Variants in SPG11 observed in about 807,000 individuals in gnomAD.
The protein encoded by SPG11 is SPG11 vesicle trafficking associated, spatacsin.
In SPG11, 222 loss-of-function variants were observed where a neutral mutation model predicts 274.0. The observed-to-expected ratio is 0.81, with a 90% CI of 0.73 to 0.91. SPG11 has a LOEUF of 0.91. Ranked by LOEUF, SPG11 falls within the 40% of genes least tolerant of loss-of-function variation. The pLI is 0.00. For missense variants in SPG11, 3,114 were observed against 2,872.7 expected, an observed-to-expected ratio of 1.08 and a Z score of -1.92; for synonymous variants, 1,144 against 1,039.7, an observed-to-expected ratio of 1.10 and a Z score of -1.93.
At position 44,648,877 on chromosome 15, in the gene SPG11, GT is replaced by G. The variant is rs2084680161; in HGVS notation, c.1590del (p.His531MetfsTer3). 1.2e-6 allele frequency: 2 copies of G among 1,613,934 alleles called. No homozygotes were observed. Among genetic ancestry groups the G allele is most frequent in the African/African-American group, 2.7e-5 (2 of 74,910 alleles). On this transcript the variant is annotated frameshift_variant, in exon 7 of 40. Coordinates refer to ENST00000261866, the MANE Select transcript of SPG11 (RefSeq NM_025137.4). LOFTEE classifies it high-confidence loss of function. ...LNGWGRCSIP[I>X]HALEAGIENR... ...TTTAATTCTGTTACCTCTAGTGCAT[GT>G]ATGGGAATTGAGCACCTTCCCCAGC...
At chr15:44,614,080 G>C (rs908548071) in intron 16 of SPG11, among the ~76,000 whole-genome samples, 2 of 152,180 alleles carry the variant, frequency 1.3e-5, no homozygotes, top group Non-Finnish European at 2.9e-5. Flanking sequence ...CAACTACAGA[G>C]AGGTTACAAC....
Sources: gnomAD v4.1 joint callset for allele counts (sites outside exome capture counted in the v4.1 genomes callset) on GRCh38, gnomAD v4.1.1 for gene constraint, MANE v1.5 for transcripts, NCBI Gene and HGNC (gene_info 2026-07-23, HGNC 2026-07-21) for gene names.